Variants in GRM3 observed in about 807,000 individuals in gnomAD.
GRM3 encodes glutamate metabotropic receptor 3.
A neutral mutation model predicts 70.5 loss-of-function variants in GRM3; 26 were observed. That is an observed-to-expected ratio of 0.37 (90% CI 0.27 to 0.51). The LOEUF is 0.51. Ranked by LOEUF, GRM3 falls within the 20% of genes least tolerant of loss-of-function variation. The probability of loss-of-function intolerance (pLI) is 0.93; values close to 1 mark genes in which losing one functional copy is unlikely to be tolerated. For synonymous variants in GRM3, 443 were observed against 434.9 expected (o/e 1.02, Z -0.23); for missense variants, 859 against 1,123.8 (o/e 0.76, Z 3.37).
At chr7:86,741,768 C>T (rs1795996937) in intron 1 of GRM3, among the ~76,000 whole-genome samples, 1 of 152,120 alleles carries the variant, frequency 6.6e-6, no homozygotes, top group South Asian at 2.1e-4. Flanking sequence ...GAATAGTTTG[C>T]AAATTGCTGG....
Position 86,679,370 on chromosome 7 carries a change from A to T in GRM3, c.-141+34498A>T, listed in dbSNP as rs1794388657. On this transcript the variant is annotated intron_variant, in intron 1 of 5. Coordinates refer to ENST00000361669, the MANE Select transcript of GRM3 (RefSeq NM_000840.3). Reference sequence around the variant, plus strand: ...AAGGAGTAAGTTTGACAAATACAGGAAGAAGAAACCACCTTGTTAGCATTT... The same window carrying T: ...AAGGAGTAAGTTTGACAAATACAGGTAGAAGAAACCACCTTGTTAGCATTT... Among the ~76,000 whole-genome samples the T allele has an allele frequency of 1.3e-5, 2 of 152,078 alleles. 1 individual carries two copies. Among genetic ancestry groups the T allele is most frequent in the South Asian group, 4.1e-4 (2 of 4,822 alleles).
intron 3 of GRM3, among the ~76,000 whole-genome samples, chr7:86,836,142 G>A (rs1584272208): frequency 6.6e-6 from 1 of 152,130 alleles, no homozygotes; most frequent in South Asian, 2.1e-4. Flanking sequence ...TGTGGAGAAT[G>A]GACATTCCCA....
At chr7:86,664,965 T>A (rs1291824978) in intron 1 of GRM3, among the ~76,000 whole-genome samples, 1 of 152,110 alleles carries the variant, frequency 6.6e-6, no homozygotes, top group African/African-American at 2.4e-5. Context: ...ATGAGCTTTC[T>A]TATTTCTTTT....
At chr7:86,861,544 T>A (rs1798958849) in intron 5 of GRM3, among the ~76,000 whole-genome samples, 1 of 152,166 alleles carries the variant, frequency 6.6e-6, no homozygotes, top group Admixed American at 6.6e-5. Flanking sequence ...GATGACTACC[T>A]CTTTGAGGTA....
chr7:86,674,936 C>T (rs1794269582), intron 1 of GRM3, among the ~76,000 whole-genome samples: 2 of 152,104 alleles, frequency 1.3e-5, no homozygotes, highest in Non-Finnish European at 2.9e-5. Flanking sequence ...CAAGATTTCT[C>T]AGAAATATGA....
chr7:86,706,066 A>G (rs1332080289), intron 1 of GRM3, among the ~76,000 whole-genome samples: 1 of 127,178 alleles, frequency 7.9e-6, no homozygotes, highest in African/African-American at 3.3e-5. Context: ...TTGAATAGAA[A>G]TTTTATAATA....
intron 2 of GRM3, among the ~76,000 whole-genome samples, chr7:86,783,885 ATACT>A (rs1187624502): frequency 3.3e-5 from 5 of 152,214 alleles, no homozygotes; most frequent in South Asian, 2.1e-4. Flanking sequence ...AATTGAGATA[ATACT>A]TACTATGTTC....
At chr7:86,757,542 C>T (rs531286395) in intron 1 of GRM3, among the ~76,000 whole-genome samples, 13 of 152,312 alleles carry the variant, frequency 8.5e-5, no homozygotes, top group African/African-American at 1.9e-4. Flanking sequence ...TAATACCTCT[C>T]GGATATGTCT....
intron 3 of GRM3, among the ~76,000 whole-genome samples, chr7:86,809,033 T>C (rs1377087828): frequency 1.3e-5 from 2 of 152,020 alleles, no homozygotes; most frequent in Non-Finnish European, 2.9e-5. Flanking sequence ...TGATTATATA[T>C]CAGAAAAAGC....
chr7:86,746,033 T>C (rs1213180151), intron 1 of GRM3, among the ~76,000 whole-genome samples: 1 of 152,058 alleles, frequency 6.6e-6, no homozygotes, highest in Non-Finnish European at 1.5e-5. Context: ...GATAAGTATT[T>C]TGTTTCCCCT....
intron 5 of GRM3, among the ~76,000 whole-genome samples, chr7:86,857,016 A>C (rs1798862805): frequency 6.6e-6 from 1 of 152,114 alleles, no homozygotes; most frequent in Non-Finnish European, 1.5e-5. Flanking sequence ...TGAAACTCTC[A>C]AAGGCTGCTA....
intron 1 of GRM3, among the ~76,000 whole-genome samples, chr7:86,700,042 G>A (rs1794914658): frequency 6.6e-6 from 1 of 151,904 alleles, no homozygotes; most frequent in Non-Finnish European, 1.5e-5. Flanking sequence ...CCACAGTCCA[G>A]AGGCTGGTAA....
rs11976425 is a variant in GRM3 at position 86,672,553 on chromosome 7, G to A, written c.-141+27681G>A. ...TTAGCAGTGCCTTTCCTCCAGATAC[G>A]ACCTCATCTCAAGTGGTTGCCTGGG... is the stretch of plus-strand genomic sequence containing the variant. On this transcript the variant is annotated intron_variant, in intron 1 of 5. Transcript: ENST00000361669. Among the ~76,000 whole-genome samples, 1,033 of 151,870 alleles carry A rather than the reference G, an allele frequency of 6.8e-3. 18 individuals are homozygous for A. The highest frequency in any genetic ancestry group is 0.023 in the African/African-American group (963 of 41,446).
intron 4 of GRM3, among the ~76,000 whole-genome samples, chr7:86,844,750 C>A (rs1385844743): frequency 1.3e-5 from 2 of 152,212 alleles, no homozygotes; most frequent in African/African-American, 4.8e-5. Flanking sequence ...CTGTTGCAAT[C>A]TACCAGGTTA....
intron 3 of GRM3, among the ~76,000 whole-genome samples, chr7:86,804,951 AT>A (rs1024895737): frequency 2.6e-5 from 4 of 151,894 alleles, no homozygotes; most frequent in Non-Finnish European, 4.4e-5. Context: ...AACTCTACAA[AT>A]TTTTTTTCTT....
chr7:86,689,180 A>G (rs575390472), intron 1 of GRM3, among the ~76,000 whole-genome samples: 78 of 151,764 alleles, frequency 5.1e-4, no homozygotes, highest in African/African-American at 1.8e-3. Flanking sequence ...AGAGTAATAA[A>G]ATATAAAATT....
At chr7:86,797,992 C>T (rs1797593254) in intron 3 of GRM3, among the ~76,000 whole-genome samples, 1 of 152,176 alleles carries the variant, frequency 6.6e-6, no homozygotes, top group Admixed American at 6.5e-5. Flanking sequence ...GTTGGGCCTG[C>T]ATGTGCACAG....
chr7:86,846,329 T>G (rs1798654311), intron 4 of GRM3, among the ~76,000 whole-genome samples: 1 of 152,212 alleles, frequency 6.6e-6, no homozygotes, highest in Non-Finnish European at 1.5e-5. Flanking sequence ...GGCCCAGCTG[T>G]TGCCATTCTT....
At chr7:86,733,324 A>T (rs1795782084) in intron 1 of GRM3, among the ~76,000 whole-genome samples, 2 of 151,858 alleles carry the variant, frequency 1.3e-5, no homozygotes, top group South Asian at 4.2e-4. Flanking sequence ...AAAAAAAAAA[A>T]AAAAAGAATG....
Sources: gnomAD v4.1 joint callset for allele counts (sites outside exome capture counted in the v4.1 genomes callset) on GRCh38, gnomAD v4.1.1 for gene constraint, MANE v1.5 for transcripts, NCBI Gene and HGNC (gene_info 2026-07-23, HGNC 2026-07-21) for gene names.